The following PDE1C variants were observed in gnomAD, a reference collection of about 807,000 sequenced individuals.
The protein encoded by PDE1C is phosphodiesterase 1C.
A neutral mutation model predicts 93.1 loss-of-function variants in PDE1C; 62 were observed. The ratio of observed to expected loss-of-function variants is 0.67; its 90% confidence interval spans 0.54 to 0.82. The LOEUF is 0.82. Among genes scored for constraint, PDE1C ranks in the 40% least tolerant of loss-of-function variants. The pLI is 0.00. For missense variants in PDE1C, 742 were observed against 884.6 expected (o/e 0.84, Z 2.04); for synonymous variants, 325 against 310.1 (o/e 1.05, Z -0.50).
chr7:32,173,035 T>C (rs558679325), intron 2 of PDE1C, among the ~76,000 whole-genome samples: 187 of 152,240 alleles, frequency 1.2e-3, no homozygotes, highest in Admixed American at 3.5e-3. Context: ...ATATAAATCA[T>C]TCTACTATAT....
At chr7:31,820,144 A>G (rs1447821036) in intron 14 of PDE1C, among the ~76,000 whole-genome samples, 1 of 152,138 alleles carries the variant, frequency 6.6e-6, no homozygotes, top group African/African-American at 2.4e-5. Flanking sequence ...ATTCAAAAGA[A>G]AGGCCAAATA....
intron 1 of PDE1C, among the ~76,000 whole-genome samples, chr7:32,370,156 A>G (rs1784304102): frequency 6.6e-6 from 1 of 152,180 alleles, no homozygotes; most frequent in Admixed American, 6.5e-5. Flanking sequence ...AGCCATAAAA[A>G]ACGATGAGTT....
At chr7:31,658,270 G>A in the PDE1C span, 10 of 1,502,528 alleles carry the variant, frequency 6.7e-6, no homozygotes, top group Non-Finnish European at 8.8e-6. Flanking sequence ...TTCTCTTATA[G>A]GTGAATTATT....
chr7:31,875,468 G>A (rs1049119570), intron 5 of PDE1C, among the ~76,000 whole-genome samples: 1 of 151,880 alleles, frequency 6.6e-6, no homozygotes, highest in Admixed American at 6.6e-5. Context: ...CCTCCAGTGG[G>A]GACTCCAGAG....
At chr7:31,693,098 T>A in the PDE1C span, among the ~76,000 whole-genome samples, 2 of 152,188 alleles carry the variant, frequency 1.3e-5, no homozygotes, top group Non-Finnish European at 2.9e-5. Flanking sequence ...TTTTGCCTAT[T>A]CATAGCCTTT....
At chr7:31,699,153 A>ATGAC in the PDE1C span, among the ~76,000 whole-genome samples, 1 of 152,210 alleles carries the variant, frequency 6.6e-6, no homozygotes, top group Non-Finnish European at 1.5e-5. Context: ...ACACCAGAAG[A>ATGAC]TGACTTGCTC....
chr7:32,161,600 CTTCCTTTG>C (rs377280548), intron 3 of PDE1C, among the ~76,000 whole-genome samples: 114,923 of 152,018 alleles, frequency 0.76, 43,549 homozygotes, highest in Middle Eastern at 0.89. Context: ...AAGGAAGGAA[CTTCCTTTG>C]TTTAGAGTTT....
chr7:31,935,651 A>C (rs1291347106), intron 2 of PDE1C, among the ~76,000 whole-genome samples: 1 of 152,158 alleles, frequency 6.6e-6, no homozygotes, highest in African/African-American at 2.4e-5. Flanking sequence ...AATAAGACTC[A>C]GTCCCTTGTC....
chr7:32,150,390 G>A (rs910562180), intron 3 of PDE1C, among the ~76,000 whole-genome samples: 3 of 152,202 alleles, frequency 2.0e-5, no homozygotes, highest in South Asian at 2.1e-4. Flanking sequence ...AACCCTCCTG[G>A]GCTCCCCTCT....
At chr7:31,685,892 A>G in the PDE1C span, among the ~76,000 whole-genome samples, 4 of 152,106 alleles carry the variant, frequency 2.6e-5, no homozygotes, top group African/African-American at 7.2e-5. Context: ...GGAACAGGCA[A>G]AGAAGTCCAT....
chr7:32,011,194 C>T (rs923144184), intron 2 of PDE1C, among the ~76,000 whole-genome samples: 1 of 140,290 alleles, frequency 7.1e-6, no homozygotes, highest in Non-Finnish European at 1.5e-5. Flanking sequence ...AATAAATTAA[C>T]AATTTTTTTT....
intron 17 of PDE1C, among the ~76,000 whole-genome samples, chr7:31,764,226 C>A (rs1413553170): frequency 1.3e-5 from 2 of 152,176 alleles, no homozygotes; most frequent in Non-Finnish European, 2.9e-5. Context: ...TCTCGGCTCA[C>A]TGCAACCTCT....
intron 2 of PDE1C, among the ~76,000 whole-genome samples, chr7:31,895,607 TCA>T (rs1554399728): frequency 3.3e-5 from 5 of 150,674 alleles, no homozygotes; most frequent in Admixed American, 6.6e-5. Context: ...TCTCTCTCTC[TCA>T]CTCTGTCTCT....
chr7:32,201,699 C>G (rs1805024610), intron 2 of PDE1C, among the ~76,000 whole-genome samples: 1 of 152,122 alleles, frequency 6.6e-6, no homozygotes, highest in Non-Finnish European at 1.5e-5. Flanking sequence ...AAAGGATGTA[C>G]AGTGGTAGGC....
upstream of PDE1C, among the ~76,000 whole-genome samples, chr7:32,303,427 G>T (rs1403351878): frequency 6.6e-6 from 1 of 152,198 alleles, no homozygotes; most frequent in Non-Finnish European, 1.5e-5. Flanking sequence ...TTTACAGGAA[G>T]AGTAAGTCTT....
chr7:31,858,098 A>G (rs1361938820), intron 7 of PDE1C, among the ~76,000 whole-genome samples: 6 of 152,214 alleles, frequency 3.9e-5, no homozygotes, highest in Non-Finnish European at 4.4e-5. Flanking sequence ...AGGTATGAAG[A>G]TGCATTCAGA....
At chr7:31,701,802 T>A in the PDE1C span, among the ~76,000 whole-genome samples, 1 of 152,242 alleles carries the variant, frequency 6.6e-6, no homozygotes, top group African/African-American at 2.4e-5. Context: ...CATTAGCAAT[T>A]TTTAGCAATA....
intron 2 of PDE1C, among the ~76,000 whole-genome samples, chr7:32,041,973 A>G (rs1344941104): frequency 6.6e-6 from 1 of 151,548 alleles, no homozygotes; most frequent in Non-Finnish European, 1.5e-5. Flanking sequence ...TTTGGGGAAG[A>G]AAAAAAAAGG....
At chr7:31,715,180 T>C in the PDE1C span, among the ~76,000 whole-genome samples, 1 of 152,202 alleles carries the variant, frequency 6.6e-6, no homozygotes, top group Non-Finnish European at 1.5e-5. Flanking sequence ...CTATTAACAA[T>C]ATGTATTATT....
Sources: gnomAD v4.1 joint callset for allele counts (sites outside exome capture counted in the v4.1 genomes callset) on GRCh38, gnomAD v4.1.1 for gene constraint, MANE v1.5 for transcripts, NCBI Gene and HGNC (gene_info 2026-07-23, HGNC 2026-07-21) for gene names.